The following HHIPL1 variants were observed in gnomAD, a reference collection of about 807,000 sequenced individuals.
HHIPL1 encodes the protein HHIP-like protein 1.
A neutral mutation model predicts 61.8 loss-of-function variants in HHIPL1; 43 were observed. The observed-to-expected ratio is 0.70, with a 90% CI of 0.55 to 0.90. The LOEUF is 0.90. Among genes scored for constraint, HHIPL1 ranks in the 40% least tolerant of loss-of-function variants. HHIPL1 has a pLI of 0.00. For synonymous variants in HHIPL1, 482 were observed against 515.8 expected (o/e 0.93, Z 0.89); for missense variants, 1,056 against 1,157.7 (o/e 0.91, Z 1.28).
chr14:99,622,151 G>C, the HHIPL1 span, among the ~76,000 whole-genome samples: 1 of 152,164 alleles, frequency 6.6e-6, no homozygotes, highest in African/African-American at 2.4e-5. Flanking sequence ...CCTTCTGTTG[G>C]TTTCAGTCTC....
chr14:99,660,339 T>C lies in HHIPL1; in HGVS notation c.1435T>C (p.Tyr479His), dbSNP rs770679203. 1 of 1,614,132 alleles carries C rather than the reference T, an allele frequency of 6.2e-7. No homozygotes were observed. The highest frequency in any genetic ancestry group is 8.5e-7 in the Non-Finnish European group (1 of 1,179,996). Residue 479 changes from tyrosine (Y) to histidine (H), a missense_variant, in exon 5 of 9, where the codon TAC becomes CAC. By Grantham distance (83) the Tyr-to-His change is moderately conservative. Coordinates refer to ENST00000330710, the MANE Select transcript of HHIPL1 (RefSeq NM_001127258.3). This position sits in a 1 kb window ranked among gnomAD's most constrained non-coding sequence, Gnocchi z 4.9. The stretch of plus-strand genomic sequence containing the variant: ...GGTTGGCAAGTCGGTCACAGGGGGC[T>C]ACGTGTACCGGGGCTGCGAGTACCC... ...HTVGKSVTGG[Y>H]VYRGCEYPNL...
At position 99,679,217 on chromosome 14, in the gene HHIPL1, C is replaced by T. The variant is rs975247760; in HGVS notation, c.*3591C>T. ...ACTGGGACACAAGTTCAGAGAAGGGCAGAGCTGGCTGCCTGTCCAGTGCTT... is the reference window on the plus strand; with the variant it reads ...ACTGGGACACAAGTTCAGAGAAGGGTAGAGCTGGCTGCCTGTCCAGTGCTT... On this transcript the variant is annotated 3_prime_UTR_variant, in exon 9 of 9. Coordinates refer to ENST00000330710, the MANE Select transcript of HHIPL1 (RefSeq NM_001127258.3). 1 of 152,306 alleles carries T rather than the reference C, an allele frequency of 6.6e-6. No homozygotes were observed. Among genetic ancestry groups the T allele is most frequent in the Non-Finnish European group, 1.5e-5 (1 of 68,096 alleles). The allele number at this position is 152,306 out of a possible 1,614,324, so 9.4% of individuals were successfully genotyped here.
In HHIPL1 at chr14:99,662,997, A is replaced by T. The variant is rs201294178; in HGVS notation, c.1624A>T (p.Ile542Phe). Reference protein sequence around the residue: ...GLINNYYPYIISFGEDEAGEL... With the variant: ...GLINNYYPYIFSFGEDEAGEL... ...CATCAACAACTACTACCCGTACATCATCTCCTTCGGGGAGGACGAGGCCGG... is the reference window on the plus strand; with the variant it reads ...CATCAACAACTACTACCCGTACATCTTCTCCTTCGGGGAGGACGAGGCCGG... The change falls in exon 6 of 9, where the codon ATC (isoleucine) becomes TTC (phenylalanine). Residue 542 changes from isoleucine (I) to phenylalanine (F), a missense_variant. Ile to Phe is a conservative substitution (Grantham distance 21, BLOSUM62 0). Transcript: ENST00000330710. 210 of 1,611,782 alleles carry T rather than the reference A, an allele frequency of 1.3e-4. No individual in the cohort carries two copies. The highest frequency in any genetic ancestry group is 1.7e-4 in the Non-Finnish European group (196 of 1,179,188).
Position 99,668,760 on chromosome 14 carries a change from G to T in HHIPL1, c.1730+457G>T. On this transcript the variant is annotated intron_variant, in intron 7 of 8. Coordinates refer to ENST00000330710, the MANE Select transcript of HHIPL1 (RefSeq NM_001127258.3). The surrounding 1 kb of genome is among the most constrained non-coding windows in gnomAD (Gnocchi z 4.7). Reference sequence around the variant, plus strand: ...GCCCCGTGCCTGCCCTTCCTCCTGTGGTCCATCTTCCACTGGGGAAAACAC... The same window carrying T: ...GCCCCGTGCCTGCCCTTCCTCCTGTTGTCCATCTTCCACTGGGGAAAACAC... The T allele has an allele frequency of 6.4e-7, 1 of 1,563,592 alleles. No individual in the cohort carries two copies.
chr14:99,656,387 C>T (rs1595154964), intron 2 of HHIPL1, among the ~76,000 whole-genome samples: 1 of 152,236 alleles, frequency 6.6e-6, no homozygotes, highest in East Asian at 1.9e-4. Flanking sequence ...CCTCTCTGAG[C>T]CTTTAGGTCC....
chr14:99,662,901 C>G lies in HHIPL1; in HGVS notation c.1528C>G (p.Pro510Ala). ...GCGTCTGATGTCCCTCCAAGAGAAC[C>G]CAGGGACAGGCCAGTGGCAGTACAG... is the stretch of plus-strand genomic sequence containing the variant. ...SGRLMSLQEN[P>A]GTGQWQYSEI... Residue 510 changes from proline to alanine, a missense_variant, in exon 6 of 9, where the codon CCA (proline) becomes GCA (alanine). By Grantham distance (27) the Pro-to-Ala change is conservative. Coordinates refer to ENST00000330710, the MANE Select transcript of HHIPL1 (RefSeq NM_001127258.3). 5.0e-6 allele frequency: 8 copies of G among 1,610,904 alleles called. No homozygotes were observed. The highest frequency in any genetic ancestry group is 6.8e-6 in the Non-Finnish European group (8 of 1,178,758).
the HHIPL1 span, among the ~76,000 whole-genome samples, chr14:99,611,803 A>G: frequency 1.4e-4 from 22 of 151,752 alleles, no homozygotes; most frequent in African/African-American, 5.1e-4. Flanking sequence ...CCCAACGCAC[A>G]TGAGTATGAA....
intron 8 of HHIPL1, among the ~76,000 whole-genome samples, chr14:99,673,444 C>G (rs955104257): frequency 6.8e-6 from 1 of 146,666 alleles, no homozygotes; most frequent in South Asian, 2.3e-4. Flanking sequence ...GCCTTGTGAT[C>G]GAAGTGTGTG....
chr14:99,678,941 A>C lies in HHIPL1; in HGVS notation c.*3315A>C, dbSNP rs992559863. 2.0e-5 allele frequency: 3 copies of C among 152,242 alleles called. No individual in the cohort carries two copies. Among genetic ancestry groups the C allele is most frequent in the Non-Finnish European group, 4.4e-5 (3 of 68,044 alleles). The allele number at this position is 152,242 out of a possible 1,614,324, so 9.4% of individuals were successfully genotyped here. On this transcript the variant is annotated 3_prime_UTR_variant, in exon 9 of 9. Transcript: ENST00000330710. ...TTCAAGAGGAACTTTTACTTTCTAC[A>C]ACAGCTGACCTCTGCTGAGCGCTTA... is the stretch of plus-strand genomic sequence containing the variant.
chr14:99,638,397 A>G, the HHIPL1 span, among the ~76,000 whole-genome samples: 1 of 152,100 alleles, frequency 6.6e-6, no homozygotes, highest in Non-Finnish European at 1.5e-5. Context: ...TGTAGAAGGG[A>G]CGCAAAACCA....
chr14:99,637,201 GAAGA>G, the HHIPL1 span, among the ~76,000 whole-genome samples: 8,701 of 86,726 alleles, frequency 0.1, 501 homozygotes, highest in Non-Finnish European at 0.11. Flanking sequence ...AGAAAGAAAG[GAAGA>G]AAGAAAGAAA....
the HHIPL1 span, among the ~76,000 whole-genome samples, chr14:99,607,255 G>A: frequency 2.6e-5 from 4 of 151,736 alleles, no homozygotes; most frequent in Non-Finnish European, 5.9e-5. Context: ...TCCCAGGCTG[G>A]TCTCAAACTC....
the HHIPL1 span, among the ~76,000 whole-genome samples, chr14:99,607,936 T>C: frequency 7.5e-3 from 1,149 of 152,260 alleles, 9 homozygotes; most frequent in Middle Eastern, 0.037. Flanking sequence ...TATATACACA[T>C]TGCAATGCAT....
the HHIPL1 span, among the ~76,000 whole-genome samples, chr14:99,630,819 C>T: frequency 5.5e-4 from 83 of 152,270 alleles, no homozygotes; most frequent in African/African-American, 1.9e-3. Flanking sequence ...GCTACAAAGT[C>T]GATATTCTGT....
At chr14:99,624,072 A>G in the HHIPL1 span, among the ~76,000 whole-genome samples, 2 of 152,218 alleles carry the variant, frequency 1.3e-5, no homozygotes, top group Non-Finnish European at 2.9e-5. Flanking sequence ...CAGGCCAGAC[A>G]GGGGAGCTAC....
At chr14:99,631,911 C>A in the HHIPL1 span, among the ~76,000 whole-genome samples, 1 of 152,190 alleles carries the variant, frequency 6.6e-6, no homozygotes, top group Non-Finnish European at 1.5e-5. Context: ...TAAGCCCATG[C>A]CCCAGACATC....
chr14:99,619,973 TC>T, the HHIPL1 span, among the ~76,000 whole-genome samples: 1 of 152,174 alleles, frequency 6.6e-6, no homozygotes, highest in African/African-American at 2.4e-5. Flanking sequence ...AGGATGAGGA[TC>T]CGGCCTTTCT....
At chr14:99,647,099 C>A (rs975321881) in intron 1 of HHIPL1, among the ~76,000 whole-genome samples, 2 of 152,004 alleles carry the variant, frequency 1.3e-5, no homozygotes, top group Non-Finnish European at 2.9e-5. Flanking sequence ...CACAGCCCAG[C>A]GGTGGTTGAG....
At chr14:99,645,492 CG>C in intron 1 of HHIPL1, 30 bp downstream of exon 1, 1 of 1,260,176 alleles carries the variant, frequency 7.9e-7, no homozygotes, top group South Asian at 3.0e-5. Flanking sequence ...CCGGGCGGGG[CG>C]GGGCGCGGGA....
Sources: gnomAD v4.1 joint callset for allele counts (sites outside exome capture counted in the v4.1 genomes callset) on GRCh38, gnomAD v4.1.1 for gene constraint, Gnocchi (gnomAD v3.1) non-coding constraint, MANE v1.5 for transcripts, NCBI Gene and HGNC (gene_info 2026-07-23, HGNC 2026-07-21) for gene names.